Variants in UBR1 observed in about 807,000 individuals in gnomAD.
UBR1 encodes ubiquitin protein ligase E3 component n-recognin 1.
In UBR1, 102 loss-of-function variants were observed where a neutral mutation model predicts 242.1. That is an observed-to-expected ratio of 0.42 (90% confidence interval 0.36 to 0.50). The LOEUF is 0.50. UBR1 is among the 20% of genes least tolerant of loss of function. The probability of loss-of-function intolerance (pLI) is 0.01; values close to 1 mark genes in which losing one functional copy is unlikely to be tolerated. For synonymous variants in UBR1, 675 were observed against 684.8 expected (o/e 0.99, Z 0.22); for missense variants, 1,772 against 2,101.8 (o/e 0.84, Z 3.07).
chr15:43,036,644 C>G (rs757753397), intron 17 of UBR1, 51 bp from the exon 18 acceptor site: 2 of 1,284,476 alleles, frequency 1.6e-6, no homozygotes, highest in Middle Eastern at 1.9e-4. Flanking sequence ...TTATTTCAAG[C>G]AAAATTCTCA....
chr15:43,095,993 A>G (rs1258586613), intron 1 of UBR1, among the ~76,000 whole-genome samples: 1 of 152,214 alleles, frequency 6.6e-6, no homozygotes. Context: ...TAAGAGTGCA[A>G]TAGTATGAAG....
chr15:42,960,772 T>C (rs2032002349), intron 42 of UBR1, 71 bp from the exon 43 acceptor site: 2 of 1,518,882 alleles, frequency 1.3e-6, no homozygotes, highest in Non-Finnish European at 1.8e-6. Context: ...CAACAAGCCA[T>C]TCTCTTTTTT....
rs2033125656 is a variant in UBR1, at chr15:43,022,682, AG to A, written c.2839+19del. On this transcript the variant is annotated intron_variant, in intron 26 of 46. Coordinates refer to ENST00000290650, the MANE Select transcript of UBR1 (RefSeq NM_174916.3). ...AGACTTTCAATGACAAATGTGTTGA[AG>A]AGTGATACTCAAACATACTTGAAGC... 1 of 1,524,608 alleles carries A rather than the reference AG, an allele frequency of 6.6e-7. No individual in the cohort carries two copies. Among genetic ancestry groups the A allele is most frequent in the South Asian group, 1.1e-5 (1 of 88,740 alleles). 94.4% of individuals were successfully genotyped at this position (1,524,608 alleles called of 1,614,324 possible). A position where few individuals can be genotyped will look rare whatever the true frequency, so the allele number is the denominator to read the frequency against.
chr15:42,985,930 C>T (rs914406127), intron 35 of UBR1, among the ~76,000 whole-genome samples: 4 of 135,656 alleles, frequency 2.9e-5, no homozygotes, highest in African/African-American at 5.7e-5. Flanking sequence ...GCTAAGGCTG[C>T]AGTGAGCCAT....
chr15:42,985,519 A>G (rs986332195), intron 35 of UBR1, among the ~76,000 whole-genome samples: 6 of 151,918 alleles, frequency 3.9e-5, no homozygotes, highest in Non-Finnish European at 8.8e-5. Context: ...CGCCAGCTAA[A>G]TTTTTGTATT....
intron 1 of UBR1, among the ~76,000 whole-genome samples, chr15:43,094,822 T>C (rs1223387544): frequency 6.6e-6 from 1 of 152,228 alleles, no homozygotes; most frequent in East Asian, 1.9e-4. Flanking sequence ...CTTTATGGCA[T>C]TGATAAAATA....
At position 43,048,424 on chromosome 15, in the gene UBR1, G is replaced by A. The variant is rs764158113; in HGVS notation, c.1507C>T (p.Arg503Ter). ...RLRMQFLEGF[R>*]SFLKILTCMQ... ...CAGGTAAGAATCTTCAAAAAAGATC[G>A]AAAACCTTCAAGGAACTGCATTCTT... is the stretch of plus-strand genomic sequence containing the variant. The change falls in exon 13 of 47, where the codon CGA (arginine) becomes TGA (stop). Residue 503 changes from arginine to a stop codon, truncating the protein, a stop_gained. Coordinates refer to ENST00000290650, the MANE Select transcript of UBR1 (RefSeq NM_174916.3). LOFTEE classifies it high-confidence loss of function. 3 of 1,613,550 alleles carry A rather than the reference G, an allele frequency of 1.9e-6. No individual in the cohort carries two copies. The highest frequency in any genetic ancestry group is 1.1e-5 in the South Asian group (1 of 91,038).
intron 46 of UBR1, among the ~76,000 whole-genome samples, chr15:42,949,380 G>T (rs937250409): frequency 6.6e-6 from 1 of 151,486 alleles, no homozygotes; most frequent in Non-Finnish European, 1.5e-5. Context: ...GTATACATAT[G>T]TAACTAACCT....
chr15:43,048,248 ATGAGTGAGTCAATGTT>A, intron 13 of UBR1, 128 bp downstream of exon 13: 1 of 658,620 alleles, frequency 1.5e-6, no homozygotes, highest in South Asian at 1.9e-5. Flanking sequence ...TCAAAACAGG[ATGAGTGAGTCAATGTT>A]TAAATCTTGT....
Position 43,007,118 on chromosome 15 carries a change from A to G in UBR1, c.3376T>C (p.Leu1126=). 5 of 1,614,138 alleles carry G rather than the reference A, an allele frequency of 3.1e-6. No homozygotes were observed. The highest frequency in any genetic ancestry group is 4.2e-6 in the Non-Finnish European group (5 of 1,180,032). ...LSACVQKSTA[L]TQHRGKPIEL... ...ATGGGTTTTCCCCTGTGCTGGGTTA[A>G]GGCAGTAGATTTCTGGACACAGGCC... Residue 1126 remains leucine (L), a synonymous_variant, in exon 30 of 47, where the codon TTA becomes CTA. Transcript: ENST00000290650.
chr15:43,010,236 CA>C (rs200325235), intron 29 of UBR1, among the ~76,000 whole-genome samples: 4,471 of 151,792 alleles, frequency 0.029, 82 homozygotes, highest in Non-Finnish European at 0.045. Context: ...AGGCATCTAG[CA>C]ATAAATTATG....
chr15:43,044,640 C>T (rs1003047665), intron 14 of UBR1, among the ~76,000 whole-genome samples: 5 of 152,168 alleles, frequency 3.3e-5, no homozygotes, highest in Middle Eastern at 3.2e-3. Flanking sequence ...CATCTGCAAT[C>T]CTAGCACTTT....
At chr15:42,947,947 A>G (rs1285883089) in intron 46 of UBR1, among the ~76,000 whole-genome samples, 1 of 152,132 alleles carries the variant, frequency 6.6e-6, no homozygotes, top group Non-Finnish European at 1.5e-5. Flanking sequence ...TAAAGTTCAT[A>G]TGGAACCAAA....
intron 29 of UBR1, among the ~76,000 whole-genome samples, chr15:43,014,556 C>A (rs1412203075): frequency 2.0e-5 from 3 of 151,802 alleles, no homozygotes; most frequent in African/African-American, 7.3e-5. Context: ...ATGTGAGTGC[C>A]TCTGCCCGGC....
At chr15:43,097,945 T>C (rs750213015) in intron 1 of UBR1, among the ~76,000 whole-genome samples, 1 of 152,222 alleles carries the variant, frequency 6.6e-6, no homozygotes, top group Non-Finnish European at 1.5e-5. Context: ...CATTCACAAC[T>C]TGGCTAACTG....
chr15:42,964,259 C>T (rs1318806539), intron 41 of UBR1, among the ~76,000 whole-genome samples: 5 of 152,064 alleles, frequency 3.3e-5, no homozygotes, highest in African/African-American at 1.2e-4. Context: ...CACCTGAGGT[C>T]GGGAGTTCAA....
At chr15:42,998,969 A>C (rs2032682026) in intron 32 of UBR1, among the ~76,000 whole-genome samples, 1 of 125,096 alleles carries the variant, frequency 8.0e-6, no homozygotes, top group African/African-American at 3.0e-5. Context: ...ATGGAGTCTC[A>C]CTCTGTCGCC....
intron 3 of UBR1, among the ~76,000 whole-genome samples, chr15:43,080,643 T>C (rs2033964669): frequency 6.6e-6 from 1 of 152,162 alleles, no homozygotes; most frequent in Non-Finnish European, 1.5e-5. Flanking sequence ...TTTTGGGAAA[T>C]ATGAAGAAAG....
At position 43,010,521 on chromosome 15, in the gene UBR1, T is replaced by A. The variant is rs190828976; in HGVS notation, c.3210-3237A>T. Reference sequence around the variant, plus strand: ...CTATAATTTCTGTGGCTACATATATTTGTATTAATAACATAGGAAAAATTC... The same window carrying A: ...CTATAATTTCTGTGGCTACATATATATGTATTAATAACATAGGAAAAATTC... On this transcript the variant is annotated intron_variant, in intron 29 of 46. Transcript: ENST00000290650. Among the ~76,000 whole-genome samples, 11 of 152,238 alleles carry A rather than the reference T, an allele frequency of 7.2e-5. No homozygotes were observed. In the South Asian group the frequency reaches 2.3e-3, roughly 32 times the overall value.
Sources: gnomAD v4.1 joint callset for allele counts (sites outside exome capture counted in the v4.1 genomes callset) on GRCh38, gnomAD v4.1.1 for gene constraint, MANE v1.5 for transcripts, NCBI Gene and HGNC (gene_info 2026-07-23, HGNC 2026-07-21) for gene names.